The following RPL14 variants were observed in gnomAD, a reference collection of about 807,000 sequenced individuals.
RPL14 encodes the protein large ribosomal subunit protein eL14.
Under a neutral mutation model 25.3 loss-of-function variants are expected in RPL14, and 4 were observed. The observed-to-expected ratio is 0.16, with a 90% CI of 0.08 to 0.36. RPL14 has a LOEUF of 0.36. RPL14 is among the 10% of genes least tolerant of loss of function. The pLI is 1.00. For synonymous variants in RPL14, 75 were observed against 89.8 expected, an observed-to-expected ratio of 0.84 and a Z score of 0.93; for missense variants, 212 against 261.9, an observed-to-expected ratio of 0.81 and a Z score of 1.31.
chr3:40,458,901 C>A, intron 3 of RPL14, 165 bp downstream of exon 3: 1 of 620,308 alleles, frequency 1.6e-6, no homozygotes, highest in South Asian at 1.8e-5. Flanking sequence ...CTTGCCTGCG[C>A]GTGATAGCTC....
intron 2 of RPL14, chr3:40,458,285 G>T (rs1471569728): frequency 1.9e-6 from 1 of 526,442 alleles, no homozygotes; most frequent in Non-Finnish European, 3.4e-6. Flanking sequence ...CACGTAGAAA[G>T]CACTTTTGTA....
rs919302648 is a variant in RPL14, at chr3:40,465,214, C to G, written c.*2982C>G. On this transcript the variant is annotated 3_prime_UTR_variant, in exon 6 of 6. Transcript: ENST00000396203. ...GGAGTCATGAGGGGTGGGAAACTAGCAGGGGCACATGGAAGCTAGGGAAAG... is the reference window on the plus strand; with the variant it reads ...GGAGTCATGAGGGGTGGGAAACTAGGAGGGGCACATGGAAGCTAGGGAAAG... The G allele has an allele frequency of 1.3e-5, 2 of 152,150 alleles. No homozygotes were observed. Among genetic ancestry groups the G allele is most frequent in the Admixed American group, 6.6e-5 (1 of 15,254 alleles). The allele number at this position is 152,150 out of a possible 1,614,324, so 9.4% of individuals were successfully genotyped here. A position where few individuals can be genotyped will look rare whatever the true frequency, so the allele number is the denominator to read the frequency against.
At position 40,466,421 on chromosome 3, in the gene RPL14, C is replaced by CT. The variant is rs1697028498; in HGVS notation, c.*4192dup. On this transcript the variant is annotated 3_prime_UTR_variant, in exon 6 of 6. Transcript: ENST00000396203. The stretch of plus-strand genomic sequence containing the variant: ...TCAGGCTGGGCACGGTGGCTCATGC[C>CT]TTTAATCCCAGCACTTTGGGAGGCT... 6.7e-6 allele frequency: 1 copy of CT among 148,956 alleles called. No homozygotes were observed. Among genetic ancestry groups the CT allele is most frequent in the African/African-American group, 2.5e-5 (1 of 40,386 alleles). 9.2% of individuals were successfully genotyped at this position (148,956 alleles called of 1,614,324 possible).
intron 1 of RPL14, 165 bp downstream of exon 1, chr3:40,457,639 G>C (rs1696864489): frequency 1.5e-6 from 1 of 680,628 alleles, no homozygotes. Context: ...GATGCGGCTC[G>C]TGGTCCGAGA....
In RPL14 at chr3:40,461,428, A is replaced by G. The variant is rs1696935222; in HGVS notation, c.222A>G (p.Arg74=). ...CTAGTGCCCACCAGAAGTATGTCCG[A>G]CAAGCCTGGCAGAAGGCAGACATCA... is the stretch of plus-strand genomic sequence containing the variant. ...FPHSAHQKYV[R]QAWQKADINT... is the part of the protein sequence containing the mutation. The change falls in exon 4 of 6, where the codon CGA becomes CGG. Residue 74 remains arginine (R), a synonymous_variant. Transcript: ENST00000396203. The G allele has an allele frequency of 2.5e-6, 4 of 1,614,154 alleles. No homozygotes were observed. Among genetic ancestry groups the G allele is most frequent in the Non-Finnish European group, 2.5e-6 (3 of 1,180,028 alleles).
intron 2 of RPL14, 145 bp from the exon 3 acceptor site, chr3:40,458,497 G>A: frequency 1.6e-6 from 1 of 644,158 alleles, no homozygotes; most frequent in Non-Finnish European, 2.8e-6. Flanking sequence ...ACCCAGATAG[G>A]ACAATCCTTG....
At chr3:40,461,545 T>G (rs1696937001) in intron 4 of RPL14, 39 bp downstream of exon 4, 3 of 1,611,034 alleles carry the variant, frequency 1.9e-6, no homozygotes, top group Non-Finnish European at 2.5e-6. Context: ...GTCCTTTCTT[T>G]TTTTGGAGGG....
At chr3:40,460,339 C>G (rs1696917198) in intron 3 of RPL14, among the ~76,000 whole-genome samples, 1 of 151,922 alleles carries the variant, frequency 6.6e-6, no homozygotes, top group South Asian at 2.1e-4. Context: ...ACCAGCCTAG[C>G]CAACCCCGTC....
intron 3 of RPL14, among the ~76,000 whole-genome samples, chr3:40,459,874 A>AAAAAAC (rs1553649148): frequency 1.3e-5 from 2 of 151,094 alleles, no homozygotes; most frequent in African/African-American, 4.9e-5. Context: ...AAAAAAAAAA[A>AAAAAAC]AAAAAACTTA....
chr3:40,457,644 C>T (rs1017747911), intron 1 of RPL14, 170 bp downstream of exon 1: 1 of 678,270 alleles, frequency 1.5e-6, no homozygotes, highest in East Asian at 2.7e-5. Flanking sequence ...GGCTCGTGGT[C>T]CGAGAGCCTT....
At position 40,466,251 on chromosome 3, in the gene RPL14, G is replaced by A. The variant is rs964220633; in HGVS notation, c.*4019G>A. 2 of 152,184 alleles carry A rather than the reference G, an allele frequency of 1.3e-5. No individual in the cohort carries two copies. 9.4% of individuals were successfully genotyped at this position (152,184 alleles called of 1,614,324 possible). On this transcript the variant is annotated 3_prime_UTR_variant, in exon 6 of 6. Transcript: ENST00000396203. ...AAGGTCAGTCTGGTAGCATAGTGTG[G>A]ATTGGGTTGGGGGATGGGGAAGGAG... is the stretch of plus-strand genomic sequence containing the variant.
At position 40,461,592 on chromosome 3, in the gene RPL14, G is replaced by GT. The variant is rs550628466; in HGVS notation, c.301-6dup. On this transcript the variant is annotated splice_polypyrimidine_tract_variant and intron_variant, in intron 4 of 5. Transcript: ENST00000396203. ...GTGAGAGGGATAATTTTTATTTGTTGTTTTTTTTTTAACAGAAAGCCAAGA... is the reference window on the plus strand; with the variant it reads ...GTGAGAGGGATAATTTTTATTTGTTGTTTTTTTTTTTAACAGAAAGCCAAGA... 0.027 allele frequency: 35,682 copies of GT among 1,332,364 alleles called. 172 individuals are homozygous for GT. The highest frequency in any genetic ancestry group is 0.039 in the South Asian group (2,756 of 70,030). 82.5% of individuals were successfully genotyped at this position (1,332,364 alleles called of 1,614,324 possible).
chr3:40,458,854 C>T, intron 3 of RPL14, 118 bp downstream of exon 3: 1 of 754,408 alleles, frequency 1.3e-6, no homozygotes, highest in South Asian at 1.5e-5. Flanking sequence ...GGATTTGCAT[C>T]ATAGAAGTAG....
chr3:40,457,868 G>A (rs769259935), intron 1 of RPL14, 22 bp from the exon 2 acceptor site: 1 of 1,606,036 alleles, frequency 6.2e-7, no homozygotes, highest in African/African-American at 1.3e-5. Flanking sequence ...AAGTTTCACT[G>A]TCCTTTCTCC....
At chr3:40,459,706 A>G (rs1696902676) in intron 3 of RPL14, among the ~76,000 whole-genome samples, 1 of 151,980 alleles carries the variant, frequency 6.6e-6, no homozygotes, top group Non-Finnish European at 1.5e-5. Flanking sequence ...ATACAAAAAA[A>G]AAATATTCCG....
At chr3:40,457,496 G>T in intron 1 of RPL14, 22 bp downstream of exon 1, 4 of 1,529,560 alleles carry the variant, frequency 2.6e-6, no homozygotes, top group Non-Finnish European at 2.7e-6. Flanking sequence ...CGGGCCGGCT[G>T]TGCAGCGGAA....
intron 3 of RPL14, 40 bp from the exon 4 acceptor site, chr3:40,461,367 C>CA (rs753559851): frequency 6.4e-7 from 1 of 1,563,438 alleles, no homozygotes; most frequent in Non-Finnish European, 8.8e-7. Flanking sequence ...TGAGTGACTT[C>CA]AAAGCTGATT....
At position 40,464,120 on chromosome 3, in the gene RPL14, C is replaced by A; in HGVS notation, c.*1888C>A. 4.1e-6 allele frequency: 1 copy of A among 244,864 alleles called. No individual in the cohort carries two copies. The highest frequency in any genetic ancestry group is 8.3e-6 in the Non-Finnish European group (1 of 120,594). 15.2% of individuals were successfully genotyped at this position (244,864 alleles called of 1,614,324 possible). The stretch of plus-strand genomic sequence containing the variant: ...TAGCAGGGGTTAAATGCGTGTACCA[C>A]CATGCCCCTCTAATATTGTATTAGA... On this transcript the variant is annotated 3_prime_UTR_variant, in exon 6 of 6. Transcript: ENST00000396203.
intron 3 of RPL14, 135 bp from the exon 4 acceptor site, chr3:40,461,272 C>A: frequency 1.5e-6 from 1 of 689,090 alleles, no homozygotes; most frequent in South Asian, 1.9e-5. Flanking sequence ...TTACTGAACA[C>A]AAAAATAAGT....
Sources: allele counts gnomAD v4.1 joint callset (sites outside exome capture counted in the v4.1 genomes callset), GRCh38; gene constraint gnomAD v4.1.1; transcripts MANE v1.5; gene names NCBI Gene and HGNC (gene_info 2026-07-23, HGNC 2026-07-21).